Variants in UBE3C observed in about 807,000 individuals in gnomAD.
UBE3C encodes ubiquitin-protein ligase E3C.
In UBE3C, 42 loss-of-function variants were observed where a neutral mutation model predicts 129.4. The ratio of observed to expected loss-of-function variants is 0.32; its 90% CI spans 0.25 to 0.42. UBE3C has a LOEUF of 0.42. UBE3C is among the 10% of genes least tolerant of loss of function. UBE3C has a pLI of 1.00. For synonymous variants in UBE3C, 510 were observed against 492.4 expected (o/e 1.04, Z -0.47); for missense variants, 1,049 against 1,319.1 (o/e 0.80, Z 3.17).
intron 1 of UBE3C, among the ~76,000 whole-genome samples, chr7:157,141,562 A>G (rs1047437177): frequency 3.3e-5 from 5 of 152,222 alleles, no homozygotes; most frequent in Non-Finnish European, 7.3e-5. Flanking sequence ...TCTTCATGCA[A>G]TGGTGAGTGT....
chr7:157,197,854 C>G, intron 10 of UBE3C: 1 of 1,608,696 alleles, frequency 6.2e-7, no homozygotes, highest in Non-Finnish European at 8.5e-7. Flanking sequence ...TCAATAAGAA[C>G]AACCGCGTTA....
chr7:157,226,679 A>G (rs1245439577), intron 17 of UBE3C, among the ~76,000 whole-genome samples: 1 of 151,602 alleles, frequency 6.6e-6, no homozygotes, highest in Non-Finnish European at 1.5e-5. Flanking sequence ...GGAACAGTGG[A>G]GGAAAGCTGA....
intron 10 of UBE3C, among the ~76,000 whole-genome samples, chr7:157,196,606 A>G (rs1244189213): frequency 4.6e-5 from 7 of 152,224 alleles, no homozygotes; most frequent in Non-Finnish European, 8.8e-5. Context: ...GATCAAGGCA[A>G]GCTCTGGGAG....
intron 22 of UBE3C, among the ~76,000 whole-genome samples, chr7:157,264,250 C>CACA (rs1211718708): frequency 6.7e-6 from 1 of 149,402 alleles, no homozygotes; most frequent in Admixed American, 6.7e-5. Flanking sequence ...CACACACACA[C>CACA]ACACACACCT....
Position 157,250,375 on chromosome 7 carries a change from T to G in UBE3C, c.2694+1795T>G, listed in dbSNP as rs375484208. 6.6e-5 allele frequency among the ~76,000 whole-genome samples: 10 copies of G among 152,112 alleles called. No individual in the cohort carries two copies. In the East Asian group the frequency reaches 1.5e-3, roughly 23 times the overall value. Reference sequence around the variant, plus strand: ...CTAATTTTTGTGTTTTTTGTAGAGATAGTGTTGCCCTGTGTTACCCAGGTT... The same window carrying G: ...CTAATTTTTGTGTTTTTTGTAGAGAGAGTGTTGCCCTGTGTTACCCAGGTT... On this transcript the variant is annotated intron_variant, in intron 19 of 22. Coordinates refer to ENST00000348165, the MANE Select transcript of UBE3C (RefSeq NM_014671.3).
chr7:157,154,827 A>G (rs1271264938), intron 1 of UBE3C, among the ~76,000 whole-genome samples: 1 of 152,202 alleles, frequency 6.6e-6, no homozygotes, highest in African/African-American at 2.4e-5. Context: ...CTTTATTTTT[A>G]AAAATGAGCT....
At chr7:157,191,322 C>T (rs948290457) in intron 10 of UBE3C, among the ~76,000 whole-genome samples, 3 of 152,198 alleles carry the variant, frequency 2.0e-5, no homozygotes, top group Non-Finnish European at 2.9e-5. Flanking sequence ...AACAAGGTCT[C>T]ACTTTGTCAC....
At chr7:157,197,507 TTG>T (rs1428888135) in intron 10 of UBE3C, 28 of 819,418 alleles carry the variant, frequency 3.4e-5, no homozygotes, top group African/African-American at 2.1e-4. Flanking sequence ...TAAAAATAAT[TTG>T]TTTTTTTTTT....
intron 5 of UBE3C, among the ~76,000 whole-genome samples, chr7:157,177,391 G>C (rs906164380): frequency 6.6e-6 from 1 of 152,170 alleles, no homozygotes; most frequent in South Asian, 2.1e-4. Flanking sequence ...AGGCTGTCCC[G>C]ATAAACCTGG....
intron 1 of UBE3C, among the ~76,000 whole-genome samples, chr7:157,140,896 C>G (rs950911677): frequency 6.6e-6 from 1 of 152,186 alleles, no homozygotes; most frequent in Admixed American, 6.5e-5. Flanking sequence ...ACTTAAGATA[C>G]AGTCAGGTTC....
In UBE3C at chr7:157,197,725, G is replaced by A; in HGVS notation, c.1332-3996G>A. On this transcript the variant is annotated intron_variant, in intron 10 of 22. Coordinates refer to ENST00000348165, the MANE Select transcript of UBE3C (RefSeq NM_014671.3). ...ATAAAGTCAAGAGCTGCAAATTCAG[G>A]ACAAGACTGTACAATAAAGTTCCGG... is the stretch of plus-strand genomic sequence containing the variant. 14 of 1,610,344 alleles carry A rather than the reference G, an allele frequency of 8.7e-6. No homozygotes were observed. In the South Asian group the frequency reaches 1.4e-4, roughly 16 times the overall value.
At chr7:157,212,396 G>GA (rs1809620272) in intron 13 of UBE3C, among the ~76,000 whole-genome samples, 1 of 152,154 alleles carries the variant, frequency 6.6e-6, no homozygotes, top group Non-Finnish European at 1.5e-5. Context: ...TCTCCATACA[G>GA]AAATGTCACA....
At chr7:157,212,889 C>G (rs186406769) in intron 13 of UBE3C, among the ~76,000 whole-genome samples, 209 of 152,214 alleles carry the variant, frequency 1.4e-3, no homozygotes, top group African/African-American at 4.7e-3. Context: ...TCCTGAGTAG[C>G]TGGGACTACA....
intron 8 of UBE3C, 77 bp downstream of exon 8, chr7:157,182,405 A>T (rs1457317450): frequency 6.9e-7 from 1 of 1,444,164 alleles, no homozygotes; most frequent in East Asian, 2.3e-5. Flanking sequence ...AAGGCCATGC[A>T]GTGGCAGGTG....
intron 6 of UBE3C, 62 bp from the exon 7 acceptor site, chr7:157,181,456 C>T: frequency 6.8e-7 from 1 of 1,463,196 alleles, no homozygotes; most frequent in Non-Finnish European, 9.1e-7. Context: ...TAAAAATTGG[C>T]AAGTTTTTTC....
intron 18 of UBE3C, among the ~76,000 whole-genome samples, chr7:157,237,397 C>T (rs995469394): frequency 3.3e-5 from 5 of 152,016 alleles, no homozygotes; most frequent in Admixed American, 2.0e-4. Flanking sequence ...GCCGAGATTG[C>T]GCCACTGCAC....
chr7:157,199,389 G>T (rs1419494835), intron 10 of UBE3C, among the ~76,000 whole-genome samples: 1 of 151,880 alleles, frequency 6.6e-6, no homozygotes, highest in South Asian at 2.1e-4. Flanking sequence ...CAGAGATAGG[G>T]TATCTATTAT....
Position 157,206,539 on chromosome 7 carries a change from G to A in UBE3C, c.1419-859G>A, listed in dbSNP as rs192802510. 3.4e-3 allele frequency among the ~76,000 whole-genome samples: 523 copies of A among 152,132 alleles called. 16 individuals carry two copies. The South Asian group carries it at 0.046, about 14-fold the overall frequency. On this transcript the variant is annotated intron_variant, in intron 11 of 22. Coordinates refer to ENST00000348165, the MANE Select transcript of UBE3C (RefSeq NM_014671.3). ...GGCCTCCCAGAGTGCTGGGATTACA[G>A]GCGTGAGCCACCATACCCAGCCTTT...
At chr7:157,157,594 A>T (rs1807946514) in intron 1 of UBE3C, among the ~76,000 whole-genome samples, 2 of 151,938 alleles carry the variant, frequency 1.3e-5, no homozygotes, top group African/African-American at 4.9e-5. Flanking sequence ...TTTAACCTGC[A>T]GACATTACTG....
Sources: allele counts gnomAD v4.1 joint callset (sites outside exome capture counted in the v4.1 genomes callset), GRCh38; gene constraint gnomAD v4.1.1; transcripts MANE v1.5; gene names NCBI Gene and HGNC (gene_info 2026-07-23, HGNC 2026-07-21).